The following GPHN variants were observed in gnomAD, a reference collection of about 807,000 sequenced individuals.
The protein encoded by GPHN is gephyrin.
A neutral mutation model predicts 95.5 loss-of-function variants in GPHN; 17 were observed. The observed-to-expected ratio is 0.18, with a 90% CI of 0.12 to 0.27. The LOEUF (loss-of-function observed/expected upper bound fraction) is 0.27. Among genes scored for constraint, GPHN ranks in the 10% least tolerant of loss-of-function variants. The probability of loss-of-function intolerance (pLI) is 1.00; values close to 1 mark genes in which losing one functional copy is unlikely to be tolerated. For synonymous variants in GPHN, 320 were observed against 322.5 expected, an observed-to-expected ratio of 0.99 and a Z score of 0.08; for missense variants, 660 against 978.1, an observed-to-expected ratio of 0.67 and a Z score of 4.34.
chr14:66,983,272 C>A (rs905454295), intron 9 of GPHN, among the ~76,000 whole-genome samples: 9 of 152,078 alleles, frequency 5.9e-5, no homozygotes, highest in Non-Finnish European at 1.0e-4. Flanking sequence ...TAATAATAAT[C>A]AAGCATTTGG....
chr14:67,222,990 C>G, the GPHN span, among the ~76,000 whole-genome samples: 1 of 148,828 alleles, frequency 6.7e-6, no homozygotes, highest in Admixed American at 6.8e-5. Context: ...TTTGGGCCTT[C>G]CCATTGGGCT....
chr14:67,593,877 C>A, the GPHN span: 1 of 1,612,968 alleles, frequency 6.2e-7, no homozygotes, highest in South Asian at 1.1e-5. Flanking sequence ...GTCTCCTGAT[C>A]AATCTTCACA....
chr14:67,690,827 GAGC>G, the GPHN span: 1 of 379,198 alleles, frequency 2.6e-6, no homozygotes, highest in Non-Finnish European at 4.8e-6. Flanking sequence ...TACAAAAAAA[GAGC>G]AGATGACCTA....
chr14:66,757,871 T>C (rs1332064386), intron 2 of GPHN, among the ~76,000 whole-genome samples: 1 of 152,156 alleles, frequency 6.6e-6, no homozygotes, highest in Non-Finnish European at 1.5e-5. Context: ...CAGGAAGAAT[T>C]AGGCAGGCAT....
the GPHN span, among the ~76,000 whole-genome samples, chr14:67,643,423 G>C: frequency 2.6e-5 from 4 of 152,214 alleles, no homozygotes; most frequent in African/African-American, 4.8e-5. Context: ...GAAGTACTAG[G>C]AGTATTGAGC....
At chr14:67,495,735 C>T in the GPHN span, among the ~76,000 whole-genome samples, 83 of 152,216 alleles carry the variant, frequency 5.5e-4, no homozygotes, top group African/African-American at 1.3e-3. Context: ...CCACTCACCC[C>T]GGCCTCCCAA....
the GPHN span, among the ~76,000 whole-genome samples, chr14:67,282,226 T>TCA: frequency 6.6e-6 from 1 of 152,154 alleles, no homozygotes; most frequent in Non-Finnish European, 1.5e-5. Flanking sequence ...CATAATCTGC[T>TCA]AACACATCAA....
At chr14:66,586,493 T>C (rs1465384365) in intron 1 of GPHN, among the ~76,000 whole-genome samples, 1 of 152,220 alleles carries the variant, frequency 6.6e-6, no homozygotes, top group Non-Finnish European at 1.5e-5. Flanking sequence ...TGATGGTCTT[T>C]ACAGTTTGGC....
intron 11 of GPHN, among the ~76,000 whole-genome samples, chr14:67,065,188 G>T (rs1211042591): frequency 6.6e-6 from 1 of 152,062 alleles, no homozygotes; most frequent in East Asian, 1.9e-4. Context: ...ATTTCATTAT[G>T]TACCCAGTAG....
intron 11 of GPHN, among the ~76,000 whole-genome samples, chr14:67,081,682 G>A (rs1243191418): frequency 1.3e-5 from 2 of 152,200 alleles, no homozygotes; most frequent in African/African-American, 4.8e-5. Context: ...CTAAGCCAAT[G>A]TCTAGAAGGG....
At chr14:67,459,172 G>A in the GPHN span, among the ~76,000 whole-genome samples, 3 of 152,292 alleles carry the variant, frequency 2.0e-5, no homozygotes, top group East Asian at 1.9e-4. Context: ...ATAGGCATGA[G>A]CCACCACAGC....
chr14:66,739,878 A>T (rs1200894167), intron 2 of GPHN, among the ~76,000 whole-genome samples: 1 of 151,308 alleles, frequency 6.6e-6, no homozygotes, highest in Non-Finnish European at 1.5e-5. Flanking sequence ...GCAAAAGCCT[A>T]AAAAAAATCA....
the GPHN span, chr14:67,332,954 TGAAA>T: frequency 6.2e-7 from 1 of 1,602,156 alleles, no homozygotes; most frequent in African/African-American, 1.3e-5. Context: ...TTGGCTGAGG[TGAAA>T]GAAACATCCA....
At chr14:67,153,628 A>G (rs769353536) in intron 18 of GPHN, among the ~76,000 whole-genome samples, 7 of 152,278 alleles carry the variant, frequency 4.6e-5, no homozygotes, top group Admixed American at 4.6e-4. Context: ...AGTTTTATTC[A>G]GTTTCATTGC....
intron 11 of GPHN, among the ~76,000 whole-genome samples, chr14:67,087,169 T>C (rs1336705069): frequency 2.0e-5 from 3 of 152,302 alleles, no homozygotes; most frequent in South Asian, 2.1e-4. Flanking sequence ...TACTGTATCA[T>C]TGGGGCTAGC....
At chr14:67,301,623 A>T in the GPHN span, among the ~76,000 whole-genome samples, 1 of 152,206 alleles carries the variant, frequency 6.6e-6, no homozygotes, top group Non-Finnish European at 1.5e-5. Context: ...GTTGGATTAT[A>T]TATTTTCAGA....
chr14:67,634,678 C>T, the GPHN span, among the ~76,000 whole-genome samples: 51 of 151,774 alleles, frequency 3.4e-4, no homozygotes, highest in African/African-American at 7.0e-4. Flanking sequence ...ACCAGGACAT[C>T]AGTAGATAAT....
intron 1 of GPHN, among the ~76,000 whole-genome samples, chr14:66,561,720 T>C (rs909818452): frequency 9.9e-5 from 15 of 152,268 alleles, no homozygotes; most frequent in Non-Finnish European, 1.9e-4. Flanking sequence ...TTACTATACT[T>C]TTAGTTTTCT....
chr14:66,534,022 C>T (rs1444926240), intron 1 of GPHN, among the ~76,000 whole-genome samples: 2 of 152,084 alleles, frequency 1.3e-5, no homozygotes, highest in African/African-American at 4.8e-5. Context: ...ATACCTTTCT[C>T]CTGGTCTTGG....
Sources: gnomAD v4.1 joint callset for allele counts (sites outside exome capture counted in the v4.1 genomes callset) on GRCh38, gnomAD v4.1.1 for gene constraint, MANE v1.5 for transcripts, NCBI Gene and HGNC (gene_info 2026-07-23, HGNC 2026-07-21) for gene names.